The following BCAS3 variants were observed in gnomAD, a reference collection of about 807,000 sequenced individuals.
The protein encoded by BCAS3 is BCAS3 microtubule associated cell migration factor, also known as BCAS4/BCAS3 fusion.
BCAS3 carries 53 observed loss-of-function variants against 116.1 expected under a neutral mutation model. That is an observed-to-expected ratio of 0.46 (90% CI 0.37 to 0.57). BCAS3 has a LOEUF of 0.57. BCAS3 is among the 20% of genes least tolerant of loss of function. The pLI is 0.00. For synonymous variants in BCAS3, 391 were observed against 408.2 expected (o/e 0.96, Z 0.51); for missense variants, 917 against 1,165.4 (o/e 0.79, Z 3.10).
Position 61,276,010 on chromosome 17 carries a change from G to A in BCAS3, c.2426-92317G>A, listed in dbSNP as rs1015483116. On this transcript the variant is annotated intron_variant, in intron 22 of 23. Transcript: ENST00000407086. The surrounding 1 kb of genome is among the most constrained non-coding windows in gnomAD (Gnocchi z 4.2). ...GCCTTAGGTATAAAACCTTATAAAC[G>A]GCAACCTATTTTGCAAGGTTGTAGG... is the stretch of plus-strand genomic sequence containing the variant. 7.2e-5 allele frequency among the ~76,000 whole-genome samples: 11 copies of A among 151,994 alleles called. No individual in the cohort carries two copies. The highest frequency in any genetic ancestry group is 2.7e-4 in the African/African-American group (11 of 41,376).
chr17:60,779,005 A>C (rs1236222771), intron 6 of BCAS3, among the ~76,000 whole-genome samples: 2 of 152,104 alleles, frequency 1.3e-5, no homozygotes, highest in African/African-American at 4.8e-5. Flanking sequence ...TTTGCAGTAC[A>C]CTTTGGGTTA....
At chr17:60,917,048 C>T (rs1419487029) in intron 12 of BCAS3, among the ~76,000 whole-genome samples, 2 of 151,740 alleles carry the variant, frequency 1.3e-5, no homozygotes, top group South Asian at 2.1e-4. Flanking sequence ...TATATATCTA[C>T]GATAAAACTC....
intron 7 of BCAS3, among the ~76,000 whole-genome samples, chr17:60,856,534 CA>C (rs952899609): frequency 1.3e-5 from 2 of 151,738 alleles, no homozygotes; most frequent in African/African-American, 4.8e-5. Context: ...ACTGAAAATA[CA>C]AAAAAATTAG....
intron 2 of BCAS3, 100 bp from the exon 3 acceptor site, chr17:60,683,865 CCAAAAAACAAACAACAA>C: frequency 1.1e-6 from 1 of 912,810 alleles, no homozygotes; most frequent in Non-Finnish European, 1.7e-6. Context: ...CAAAAAAACC[CCAAAAAACAAACAACAA>C]CAAAAAACAA....
rs1333099751 is a variant in BCAS3, at chr17:60,889,784, CTG to C, written c.738+17_738+18del. Reference sequence around the variant, plus strand: ...TGCAGAAAACAAGGTAAGACGTGGCCTGTGTTTGGATTATTTGTAATGGAGCA... The same window carrying C: ...TGCAGAAAACAAGGTAAGACGTGGCCTGTTTGGATTATTTGTAATGGAGCA... On this transcript the variant is annotated intron_variant, in intron 10 of 23. Coordinates refer to ENST00000407086, the MANE Select transcript of BCAS3 (RefSeq NM_017679.5). 1 of 1,603,656 alleles carries C rather than the reference CTG, an allele frequency of 6.2e-7. No homozygotes were observed. Among genetic ancestry groups the C allele is most frequent in the African/African-American group, 1.3e-5 (1 of 74,672 alleles).
chr17:61,109,263 A>G (rs1008103918), intron 22 of BCAS3, among the ~76,000 whole-genome samples: 3 of 148,932 alleles, frequency 2.0e-5, no homozygotes, highest in African/African-American at 7.5e-5. Flanking sequence ...ATTCCTTGTT[A>G]CGGCCGAGTA....
At chr17:61,010,217 C>G (rs1041418512) in intron 15 of BCAS3, among the ~76,000 whole-genome samples, 2 of 151,944 alleles carry the variant, frequency 1.3e-5, no homozygotes, top group African/African-American at 4.8e-5. Flanking sequence ...CTTTTATCCT[C>G]AACTTAATCC....
chr17:60,951,506 G>C (rs2145264181), intron 14 of BCAS3, among the ~76,000 whole-genome samples: 1 of 152,144 alleles, frequency 6.6e-6, no homozygotes, highest in South Asian at 2.1e-4. Context: ...AATTTGTTGT[G>C]CATTCTTAAG....
At chr17:60,910,264 G>T (rs970793356) in intron 11 of BCAS3, among the ~76,000 whole-genome samples, 8 of 152,114 alleles carry the variant, frequency 5.3e-5, no homozygotes, top group African/African-American at 1.9e-4. Flanking sequence ...ATGTAAAACA[G>T]AGCTCTTTAA....
chr17:61,090,208 T>C (rs185146194), intron 22 of BCAS3, among the ~76,000 whole-genome samples: 10 of 152,298 alleles, frequency 6.6e-5, no homozygotes, highest in Admixed American at 4.6e-4. Flanking sequence ...CTTAAGTAAC[T>C]CCTGAATATA....
At chr17:60,815,046 A>G (rs1199777344) in intron 7 of BCAS3, among the ~76,000 whole-genome samples, 2 of 152,186 alleles carry the variant, frequency 1.3e-5, no homozygotes, top group Admixed American at 6.5e-5. Flanking sequence ...AACTAACCCA[A>G]ATGTCCATCA....
Position 61,300,039 on chromosome 17 carries a change from GAC to G in BCAS3, c.2426-68286_2426-68285del, listed in dbSNP as rs1224406425. Reference sequence around the variant, plus strand: ...TATCCAGATGATCTCCCTTGATTCTGACAGTTTTGACAAATCAGTTTATTAAA... The same window carrying G: ...TATCCAGATGATCTCCCTTGATTCTGAGTTTTGACAAATCAGTTTATTAAA... On this transcript the variant is annotated intron_variant, in intron 22 of 23. Coordinates refer to ENST00000407086, the MANE Select transcript of BCAS3 (RefSeq NM_017679.5). The surrounding 1 kb of genome is among the most constrained non-coding windows in gnomAD (Gnocchi z 5.1). 6.6e-6 allele frequency among the ~76,000 whole-genome samples: 1 copy of G among 152,092 alleles called. No homozygotes were observed. The highest frequency in any genetic ancestry group is 2.4e-5 in the African/African-American group (1 of 41,426).
At chr17:61,374,170 T>G (rs2059212102) in intron 23 of BCAS3, among the ~76,000 whole-genome samples, 1 of 150,468 alleles carries the variant, frequency 6.6e-6, no homozygotes. Context: ...GAGTATCTGT[T>G]TGCTGCTGTT....
At chr17:60,753,993 G>T (rs968562879) in intron 6 of BCAS3, among the ~76,000 whole-genome samples, 2 of 152,090 alleles carry the variant, frequency 1.3e-5, no homozygotes, top group Admixed American at 1.3e-4. Context: ...TTTGTATAAA[G>T]TGTTGTTTAT....
rs949349079 is a variant in BCAS3, at chr17:61,156,908, A to G, written c.2425+72344A>G. On this transcript the variant is annotated intron_variant, in intron 22 of 23. Coordinates refer to ENST00000407086, the MANE Select transcript of BCAS3 (RefSeq NM_017679.5). The surrounding 1 kb of genome is among the most constrained non-coding windows in gnomAD (Gnocchi z 4.7). The stretch of plus-strand genomic sequence containing the variant: ...AATATTTGCAATTATTTTTCCTTTG[A>G]AACAACACTTAAAAAAAACAAATTC... Among the ~76,000 whole-genome samples the G allele has an allele frequency of 1.3e-5, 2 of 152,156 alleles. No individual in the cohort carries two copies. Among genetic ancestry groups the G allele is most frequent in the Non-Finnish European group, 2.9e-5 (2 of 68,024 alleles).
chr17:61,061,373 G>T (rs1236810383), intron 19 of BCAS3, among the ~76,000 whole-genome samples: 2 of 152,118 alleles, frequency 1.3e-5, no homozygotes, highest in African/African-American at 4.8e-5. Context: ...TTTTACATTT[G>T]CAAACATCAC....
intron 10 of BCAS3, among the ~76,000 whole-genome samples, chr17:60,901,520 C>T (rs1414475302): frequency 6.6e-6 from 1 of 152,104 alleles, no homozygotes; most frequent in Non-Finnish European, 1.5e-5. Flanking sequence ...TCACTTCTCT[C>T]TTTCAAATCT....
chr17:61,044,465 A>AAAAAATATATATATATAT, intron 19 of BCAS3, among the ~76,000 whole-genome samples: 4 of 120,124 alleles, frequency 3.3e-5, no homozygotes, highest in African/African-American at 1.5e-4. Context: ...AAAAAAAAAA[A>AAAAAATATATATATATAT]ATATATATAT....
chr17:61,048,085 T>G (rs2068510446), intron 19 of BCAS3, among the ~76,000 whole-genome samples: 1 of 152,044 alleles, frequency 6.6e-6, no homozygotes, highest in Admixed American at 6.6e-5. Context: ...GGGTGTATAC[T>G]TGGTTTCTTC....
Sources: allele counts gnomAD v4.1 joint callset (sites outside exome capture counted in the v4.1 genomes callset), GRCh38; gene constraint gnomAD v4.1.1; non-coding constraint Gnocchi (gnomAD v3.1); transcripts MANE v1.5; gene names NCBI Gene and HGNC (gene_info 2026-07-23, HGNC 2026-07-21).